Variants in MECOM observed in about 807,000 individuals in gnomAD.
MECOM encodes the protein histone-lysine N-methyltransferase MECOM.
A neutral mutation model predicts 116.3 loss-of-function variants in MECOM; 13 were observed. The ratio of observed to expected loss-of-function variants is 0.11; its 90% confidence interval spans 0.07 to 0.18. MECOM has a LOEUF of 0.18. MECOM is among the 10% of genes least tolerant of loss of function. MECOM has a pLI of 1.00. For synonymous variants in MECOM, 528 were observed against 535.2 expected (o/e 0.99, Z 0.19); for missense variants, 1,299 against 1,509.0 (o/e 0.86, Z 2.31).
At chr3:169,550,886 G>C (rs1046157462) in intron 1 of MECOM, among the ~76,000 whole-genome samples, 1 of 91,920 alleles carries the variant, frequency 1.1e-5, no homozygotes, top group African/African-American at 3.3e-5. Flanking sequence ...TGCAGTGGCG[G>C]GATCTCGGCT....
intron 1 of MECOM, among the ~76,000 whole-genome samples, chr3:169,513,084 T>G (rs535857302): frequency 6.6e-6 from 1 of 152,372 alleles, no homozygotes; most frequent in Non-Finnish European, 1.5e-5. Flanking sequence ...TGACTTATTT[T>G]GTTTCCCCGG....
intron 1 of MECOM, among the ~76,000 whole-genome samples, chr3:169,508,560 C>T (rs184809266): frequency 3.6e-3 from 555 of 152,270 alleles, no homozygotes; most frequent in Non-Finnish European, 5.8e-3. Flanking sequence ...TGAGACTCTT[C>T]TTACCCAGCC....
intron 1 of MECOM, among the ~76,000 whole-genome samples, chr3:169,466,042 T>C (rs1474312631): frequency 6.6e-6 from 1 of 152,180 alleles, no homozygotes; most frequent in African/African-American, 2.4e-5. Context: ...TACTTTACTT[T>C]GATTCTAAAG....
At chr3:169,339,134 G>A (rs761540257) in intron 2 of MECOM, among the ~76,000 whole-genome samples, 82 of 152,208 alleles carry the variant, frequency 5.4e-4, no homozygotes, top group African/African-American at 1.7e-3. Flanking sequence ...AACACAGTAC[G>A]CATTCAACAA....
intron 1 of MECOM, among the ~76,000 whole-genome samples, chr3:169,437,207 T>C (rs1742803243): frequency 6.6e-6 from 1 of 152,300 alleles, no homozygotes; most frequent in East Asian, 1.9e-4. Context: ...ATAAATCTAA[T>C]TGGGGGTGGA....
At chr3:169,457,133 A>C (rs1285917710) in intron 1 of MECOM, among the ~76,000 whole-genome samples, 1 of 152,008 alleles carries the variant, frequency 6.6e-6, no homozygotes, top group Admixed American at 6.6e-5. Flanking sequence ...CACAGCTAAA[A>C]CCAGCTCCCC....
At chr3:169,093,311 G>A (rs1720392062) in intron 13 of MECOM, among the ~76,000 whole-genome samples, 1 of 152,096 alleles carries the variant, frequency 6.6e-6, no homozygotes, top group South Asian at 2.1e-4. Flanking sequence ...TTGAACCACT[G>A]AAATCATGAA....
chr3:169,419,443 C>A (rs189683624), intron 1 of MECOM, among the ~76,000 whole-genome samples: 68 of 152,254 alleles, frequency 4.5e-4, no homozygotes, highest in Middle Eastern at 3.4e-3. Flanking sequence ...CCAAGACCAT[C>A]CTAAGCAAAA....
chr3:169,100,709 T>A (rs964661651), intron 12 of MECOM, among the ~76,000 whole-genome samples, 176 bp downstream of exon 12: 1 of 152,096 alleles, frequency 6.6e-6, no homozygotes, highest in Non-Finnish European at 1.5e-5. Context: ...CTCTTCTAAT[T>A]TTGATCCTAG....
intron 2 of MECOM, among the ~76,000 whole-genome samples, chr3:169,283,081 C>A (rs1712471558): frequency 6.6e-6 from 1 of 152,126 alleles, no homozygotes; most frequent in African/African-American, 2.4e-5. Context: ...ATCAGAGATT[C>A]AACCTATTTT....
chr3:169,315,540 C>T (rs954071076), intron 2 of MECOM, among the ~76,000 whole-genome samples: 3 of 152,126 alleles, frequency 2.0e-5, no homozygotes, highest in Admixed American at 6.5e-5. Flanking sequence ...AAAAAGTTAA[C>T]AGCTTTGTGT....
intron 10 of MECOM, among the ~76,000 whole-genome samples, chr3:169,106,115 T>A (rs1043205447): frequency 1.3e-5 from 2 of 152,170 alleles, no homozygotes; most frequent in African/African-American, 2.4e-5. Context: ...AATAACTAAC[T>A]TTTCATAAAT....
intron 2 of MECOM, chr3:169,144,994 C>T (rs1415509697): frequency 6.4e-7 from 1 of 1,562,550 alleles, no homozygotes; most frequent in Non-Finnish European, 8.7e-7. Flanking sequence ...GTCATTAACT[C>T]ACCATATACT....
At chr3:169,636,073 G>C (rs188542113) in intron 1 of MECOM, among the ~76,000 whole-genome samples, 18 of 152,258 alleles carry the variant, frequency 1.2e-4, no homozygotes, top group African/African-American at 4.3e-4. Context: ...CATCTAAAAA[G>C]CTTGAGAGCA....
intron 2 of MECOM, among the ~76,000 whole-genome samples, chr3:169,241,756 T>C (rs1754836959): frequency 6.6e-6 from 1 of 152,158 alleles, no homozygotes; most frequent in African/African-American, 2.4e-5. Flanking sequence ...CAGGAAATGT[T>C]TGACCAATGT....
chr3:169,343,160 T>TTCCC (rs368611998), intron 2 of MECOM, among the ~76,000 whole-genome samples: 8 of 152,288 alleles, frequency 5.3e-5, no homozygotes, highest in South Asian at 4.1e-4. Flanking sequence ...TTTTCTCCTG[T>TTCCC]CTTTAGCAGG....
At position 169,205,264 on chromosome 3, in the gene MECOM, G is replaced by A. The variant is rs878949503; in HGVS notation, c.376-61432C>T. Among the ~76,000 whole-genome samples the A allele has an allele frequency of 2.0e-5, 3 of 152,222 alleles. No homozygotes were observed. In the South Asian group the frequency reaches 6.2e-4, roughly 32 times the overall value. On this transcript the variant is annotated intron_variant, in intron 2 of 16. Transcript: ENST00000651503. ...ACGCTGACAGACTCTTAACTATCGA[G>A]TTTCTAGTGGGTTCCTGTTTAATAT...
intron 2 of MECOM, among the ~76,000 whole-genome samples, chr3:169,197,153 G>A (rs1748522038): frequency 6.6e-6 from 1 of 151,756 alleles, no homozygotes; most frequent in Non-Finnish European, 1.5e-5. Flanking sequence ...ATAGACACCA[G>A]GACGCACTTT....
intron 1 of MECOM, among the ~76,000 whole-genome samples, chr3:169,600,123 C>T (rs1767658235): frequency 1.3e-5 from 2 of 152,040 alleles, no homozygotes; most frequent in African/African-American, 4.8e-5. Context: ...CTGTGTGTGC[C>T]ACCACACCCA....
Sources: allele counts gnomAD v4.1 joint callset (sites outside exome capture counted in the v4.1 genomes callset), GRCh38; gene constraint gnomAD v4.1.1; transcripts MANE v1.5; gene names NCBI Gene and HGNC (gene_info 2026-07-23, HGNC 2026-07-21).